The following LMCD1 variants were observed in gnomAD, a reference collection of about 807,000 sequenced individuals.
The protein encoded by LMCD1 is LIM and cysteine rich domains 1, also known as LIM and cysteine-rich domains protein 1.
In LMCD1, 32 loss-of-function variants were observed where a neutral mutation model predicts 42.7. That is an observed-to-expected ratio of 0.75 (90% CI 0.57 to 1.01). LMCD1 has a LOEUF of 1.01. LMCD1 is among the 50% of genes least tolerant of loss of function. The probability of loss-of-function intolerance (pLI) is 0.00; values close to 1 mark genes in which losing one functional copy is unlikely to be tolerated. For missense variants in LMCD1, 458 were observed against 483.1 expected (o/e 0.95, Z 0.49); for synonymous variants, 178 against 184.9 (o/e 0.96, Z 0.30).
chr3:8,541,019 G>A (rs1694615942), intron 3 of LMCD1, among the ~76,000 whole-genome samples: 1 of 152,160 alleles, frequency 6.6e-6, no homozygotes, highest in Non-Finnish European at 1.5e-5. Flanking sequence ...TGACTTGTCA[G>A]ATGAAGCCCA....
intron 1 of LMCD1, among the ~76,000 whole-genome samples, chr3:8,521,911 A>T (rs939608307): frequency 1.3e-5 from 2 of 151,630 alleles, no homozygotes; most frequent in Non-Finnish European, 2.9e-5. Context: ...TTTTTTCAAG[A>T]TGGATGCAGA....
intron 1 of LMCD1, among the ~76,000 whole-genome samples, chr3:8,527,831 G>T (rs1271371170): frequency 6.6e-6 from 1 of 152,176 alleles, no homozygotes; most frequent in Non-Finnish European, 1.5e-5. Flanking sequence ...ACTTAACAAA[G>T]ATTGTGTTCT....
chr3:8,553,722 T>C (rs1234756410), intron 4 of LMCD1, among the ~76,000 whole-genome samples: 1 of 152,174 alleles, frequency 6.6e-6, no homozygotes. Context: ...GAAAGTGTTA[T>C]TATTACACTG....
rs1559342200 is a variant in LMCD1, at chr3:8,502,345, A to ATATATATTATATATAT, written c.42+365_42+366insTATATATTATATATAT. 5.0e-4 allele frequency among the ~76,000 whole-genome samples: 45 copies of ATATATATTATATATAT among 89,444 alleles called. 1 individual carries two copies. The highest frequency in any genetic ancestry group is 2.1e-3 in the African/African-American group (44 of 20,726). The allele number at this position is 89,444 out of a possible 152,430, so 58.7% of individuals were successfully genotyped here. ...ATTATATATAATATATATTATATATAAAATATATAATATATATTATATAAA... is the reference window on the plus strand; with the variant it reads ...ATTATATATAATATATATTATATATATATATATTATATATATAAATATATAATATATATTATATAAA... On this transcript the variant is annotated intron_variant, in intron 1 of 5. Transcript: ENST00000157600.
intron 4 of LMCD1, among the ~76,000 whole-genome samples, chr3:8,561,248 T>C (rs775103815): frequency 2.0e-5 from 3 of 152,226 alleles, no homozygotes; most frequent in Non-Finnish European, 4.4e-5. Context: ...GGCCAGGTGA[T>C]AAATATTTTA....
chr3:8,543,584 G>A (rs1385752973), intron 3 of LMCD1, among the ~76,000 whole-genome samples: 4 of 152,136 alleles, frequency 2.6e-5, no homozygotes, highest in Non-Finnish European at 1.5e-5. Flanking sequence ...CTGAGCTCAA[G>A]CGATCCTCCC....
chr3:8,571,176 T>C lies in LMCD1; in HGVS notation c.*3578T>C, dbSNP rs1390687905. 6.6e-6 allele frequency: 1 copy of C among 152,176 alleles called. No individual in the cohort carries two copies. The highest frequency in any genetic ancestry group is 1.5e-5 in the Non-Finnish European group (1 of 68,044). The allele number at this position is 152,176 out of a possible 1,614,324, so 9.4% of individuals were successfully genotyped here. A position where few individuals can be genotyped will look rare whatever the true frequency, so the allele number is the denominator to read the frequency against. ...GCCCTTTATCTGTAAGTTCATAATA[T>C]CCCAGGCTTACAGTAATTCTTCCAA... On this transcript the variant is annotated 3_prime_UTR_variant, in exon 6 of 6. Coordinates refer to ENST00000157600, the MANE Select transcript of LMCD1 (RefSeq NM_014583.4).
At chr3:8,519,811 A>G (rs1300806320) in intron 1 of LMCD1, among the ~76,000 whole-genome samples, 1 of 152,090 alleles carries the variant, frequency 6.6e-6, no homozygotes, top group African/African-American at 2.4e-5. Flanking sequence ...AAACCAGGAA[A>G]ACATCTTGCT....
At chr3:8,513,909 A>G (rs1694049058) in intron 1 of LMCD1, among the ~76,000 whole-genome samples, 1 of 152,196 alleles carries the variant, frequency 6.6e-6, no homozygotes, top group Admixed American at 6.5e-5. Flanking sequence ...TATTTGCAGT[A>G]TTTATATATA....
rs1694785923 is a variant in LMCD1 at position 8,548,790 on chromosome 3, C to T, written c.610C>T (p.Gln204Ter). The change falls in exon 4 of 6, where the codon CAG becomes TAG. Residue 204 changes from glutamine to a stop codon, truncating the protein, a stop_gained. Coordinates refer to ENST00000157600, the MANE Select transcript of LMCD1 (RefSeq NM_014583.4). LOFTEE classifies it high-confidence loss of function. ...LGVGEVALPGQGGLPKEEGKQ... is the reference protein window; with the variant it reads ...LGVGEVALPG ...CGTGGGAGAAGTGGCCCTCCCGGGG[C>T]AGGGTGGCTTGCCCAAGGAGGAGGG... is the stretch of plus-strand genomic sequence containing the variant. 2 of 1,610,560 alleles carry T rather than the reference C, an allele frequency of 1.2e-6. No homozygotes were observed. The highest frequency in any genetic ancestry group is 2.2e-5 in the East Asian group (1 of 44,792).
chr3:8,568,475 C>T lies in LMCD1; in HGVS notation c.*877C>T, dbSNP rs1695165071. 1 of 152,230 alleles carries T rather than the reference C, an allele frequency of 6.6e-6. No homozygotes were observed. Among genetic ancestry groups the T allele is most frequent in the African/African-American group, 2.4e-5 (1 of 41,458 alleles). The allele number at this position is 152,230 out of a possible 1,614,324, so 9.4% of individuals were successfully genotyped here. ...TACTGGGAAACCACTGAACAGGGGC[C>T]ACCTAAGCTCCACCAATGGGTGCCA... is the stretch of plus-strand genomic sequence containing the variant. On this transcript the variant is annotated 3_prime_UTR_variant, in exon 6 of 6. Coordinates refer to ENST00000157600, the MANE Select transcript of LMCD1 (RefSeq NM_014583.4).
intron 1 of LMCD1, among the ~76,000 whole-genome samples, chr3:8,524,344 C>T (rs779589400): frequency 1.3e-5 from 2 of 152,130 alleles, no homozygotes; most frequent in South Asian, 2.1e-4. Flanking sequence ...GACCACCCCT[C>T]GCCTCAGGCA....
chr3:8,543,287 C>T (rs1372309043), intron 3 of LMCD1, among the ~76,000 whole-genome samples: 3 of 152,220 alleles, frequency 2.0e-5, no homozygotes, highest in Admixed American at 2.0e-4. Context: ...CTGATGGTCA[C>T]ATCCTCTTTC....
At position 8,567,953 on chromosome 3, in the gene LMCD1, G is replaced by T. The variant is rs113741017; in HGVS notation, c.*355G>T. 2 of 166,680 alleles carry T rather than the reference G, an allele frequency of 1.2e-5. No homozygotes were observed. The highest frequency in any genetic ancestry group is 3.8e-4 in the South Asian group (2 of 5,292). The allele number at this position is 166,680 out of a possible 1,614,324, so 10.3% of individuals were successfully genotyped here. ...GAATGCAATTCCGAGTGAGCAAATC[G>T]CATAGCTGTAGAATGTGCGTGCTTT... On this transcript the variant is annotated 3_prime_UTR_variant, in exon 6 of 6. Coordinates refer to ENST00000157600, the MANE Select transcript of LMCD1 (RefSeq NM_014583.4).
intron 4 of LMCD1, among the ~76,000 whole-genome samples, chr3:8,551,964 G>A (rs1474220906): frequency 1.3e-5 from 2 of 152,186 alleles, no homozygotes; most frequent in African/African-American, 4.8e-5. Flanking sequence ...ATAAAGGTGT[G>A]GGGAAGAAAT....
At chr3:8,529,604 A>G (rs1288529023) in intron 1 of LMCD1, among the ~76,000 whole-genome samples, 1 of 152,168 alleles carries the variant, frequency 6.6e-6, no homozygotes, top group Non-Finnish European at 1.5e-5. Context: ...TCACTTAATG[A>G]GTTAATCATT....
Position 8,574,117 on chromosome 3 carries a change from G to C in LMCD1, c.*6519G>C, listed in dbSNP as rs1574981790. On this transcript the variant is annotated 3_prime_UTR_variant, in exon 6 of 6. Coordinates refer to ENST00000157600, the MANE Select transcript of LMCD1 (RefSeq NM_014583.4). ...GTCATAAACACAGCCACCAGTGGCA[G>C]CTGGGCTCACTTTTGTCCTTGGAGC... 6.6e-6 allele frequency: 1 copy of C among 152,334 alleles called. No individual in the cohort carries two copies. The highest frequency in any genetic ancestry group is 1.9e-4 in the East Asian group (1 of 5,178). The allele number at this position is 152,334 out of a possible 1,614,324, so 9.4% of individuals were successfully genotyped here.
chr3:8,565,086 G>A (rs968400057), intron 4 of LMCD1, among the ~76,000 whole-genome samples: 1 of 151,940 alleles, frequency 6.6e-6, no homozygotes, highest in Non-Finnish European at 1.5e-5. Context: ...AATTTAAATT[G>A]TTCTCAGTTT....
chr3:8,524,725 A>T (rs1420090104), intron 1 of LMCD1, among the ~76,000 whole-genome samples: 1 of 152,080 alleles, frequency 6.6e-6, no homozygotes, highest in Non-Finnish European at 1.5e-5. Context: ...TCACTCTGTC[A>T]TCCAGGTTGG....
Sources: allele counts gnomAD v4.1 joint callset (sites outside exome capture counted in the v4.1 genomes callset), GRCh38; gene constraint gnomAD v4.1.1; transcripts MANE v1.5; gene names NCBI Gene and HGNC (gene_info 2026-07-23, HGNC 2026-07-21).